Variants in PLAGL1 observed in about 807,000 individuals in gnomAD.
PLAGL1 encodes zinc finger protein PLAGL1.
In PLAGL1, 1 loss-of-function variant was observed where a neutral mutation model predicts 4.6. The ratio of observed to expected loss-of-function variants is 0.22; its 90% CI spans 0.08 to 1.03. PLAGL1 has a LOEUF of 1.03. Among genes scored for constraint, PLAGL1 ranks in the 50% least tolerant of loss-of-function variants. The pLI, the probability that PLAGL1 is intolerant of heterozygous loss-of-function variation, is 0.58. For missense variants in PLAGL1, 464 were observed against 570.4 expected, an observed-to-expected ratio of 0.81 and a Z score of 1.90; for synonymous variants, 240 against 237.8, an observed-to-expected ratio of 1.01 and a Z score of -0.08.
Position 144,039,968 on chromosome 6 carries a change from T to C in PLAGL1, c.-151+24500A>G, listed in dbSNP as rs1174198952. Among the ~76,000 whole-genome samples the C allele has an allele frequency of 6.6e-6, 1 of 152,174 alleles. No individual in the cohort carries two copies. Among genetic ancestry groups the C allele is most frequent in the African/African-American group, 2.4e-5 (1 of 41,440 alleles). ...GTTCAAAAGGCAAGCCTCCAGATAA[T>C]TTATATCATATAATTCCATGTACAA... On this transcript the variant is annotated intron_variant, in intron 1 of 3. Transcript: ENST00000437412. This position sits in a 1 kb window ranked among gnomAD's most constrained non-coding sequence, Gnocchi z 4.1.
intron 1 of PLAGL1, among the ~76,000 whole-genome samples, chr6:144,030,331 A>G (rs181457217): frequency 6.6e-6 from 1 of 151,562 alleles, no homozygotes; most frequent in East Asian, 1.9e-4. Context: ...ATAATGGAAT[A>G]AGGTACAGCT....
In PLAGL1 at chr6:144,061,083, A is replaced by G. The variant is rs1308544316; in HGVS notation, c.-151+3385T>C. On this transcript the variant is annotated intron_variant, in intron 1 of 3. Transcript: ENST00000437412. This position sits in a 1 kb window ranked among gnomAD's most constrained non-coding sequence, Gnocchi z 4.4. ...AATGTAATTTTCAAAGAAATTTACAATTGGAAGTGGAAAGGTACTGGGTGA... is the reference window on the plus strand; with the variant it reads ...AATGTAATTTTCAAAGAAATTTACAGTTGGAAGTGGAAAGGTACTGGGTGA... Among the ~76,000 whole-genome samples the G allele has an allele frequency of 2.0e-5, 3 of 152,236 alleles. No individual in the cohort carries two copies. The highest frequency in any genetic ancestry group is 6.5e-5 in the Admixed American group (1 of 15,278).
At chr6:143,977,450 A>ATTT (rs1786893139) in intron 2 of PLAGL1, among the ~76,000 whole-genome samples, 3 of 81,356 alleles carry the variant, frequency 3.7e-5, no homozygotes, top group East Asian at 6.9e-4. Context: ...TTTTTTTTTT[A>ATTT]TTTTTTTCTT....
intron 1 of PLAGL1, among the ~76,000 whole-genome samples, chr6:144,040,265 A>G (rs2128716099): frequency 6.6e-6 from 1 of 152,300 alleles, no homozygotes; most frequent in South Asian, 2.1e-4. Context: ...ACGGTGGCTC[A>G]CACCTGTAAT....
At position 144,030,394 on chromosome 6, in the gene PLAGL1, T is replaced by G. The variant is rs553632427; in HGVS notation, c.-151+34074A>C. Among the ~76,000 whole-genome samples the G allele has an allele frequency of 7.9e-5, 12 of 152,200 alleles. No homozygotes were observed. In the East Asian group the frequency reaches 2.3e-3, roughly 29 times the overall value. ...TTTTGGGGAGCAGGTGGTGTTTGGT[T>G]GCATGAATAAATTCTTTAGTGGTGA... On this transcript the variant is annotated intron_variant, in intron 1 of 3. Transcript: ENST00000437412.
rs1447660351 is a variant in PLAGL1 at position 144,015,175 on chromosome 6, A to AT, written c.-150-46198dup. On this transcript the variant is annotated intron_variant, in intron 1 of 3. Transcript: ENST00000437412. The surrounding 1 kb of genome is among the most constrained non-coding windows in gnomAD (Gnocchi z 4.3). ...ATACTCTGGCTTTCAAAGACTTGGG[A>AT]TTTTTTAAAAATGTAAAATATCCTA... 6.6e-6 allele frequency among the ~76,000 whole-genome samples: 1 copy of AT among 152,170 alleles called. No homozygotes were observed. The highest frequency in any genetic ancestry group is 1.5e-5 in the Non-Finnish European group (1 of 68,024).
chr6:144,018,107 T>G (rs1217008846), intron 1 of PLAGL1, among the ~76,000 whole-genome samples: 1 of 152,060 alleles, frequency 6.6e-6, no homozygotes, highest in African/African-American at 2.4e-5. Context: ...AGAGTAATAA[T>G]GAATACATGA....
intron 1 of PLAGL1, among the ~76,000 whole-genome samples, chr6:144,029,839 T>C (rs928355189): frequency 1.3e-5 from 2 of 152,364 alleles, no homozygotes; most frequent in Admixed American, 6.5e-5. Context: ...GTGCACTGTT[T>C]GATCTCACAT....
At position 144,025,807 on chromosome 6, in the gene PLAGL1, C is replaced by T. The variant is rs188878679; in HGVS notation, c.-151+38661G>A. 1.8e-4 allele frequency among the ~76,000 whole-genome samples: 28 copies of T among 152,134 alleles called. 1 individual carries two copies. Among genetic ancestry groups the T allele is most frequent in the Admixed American group, 1.8e-3 (27 of 15,268 alleles). On this transcript the variant is annotated intron_variant, in intron 1 of 3. Transcript: ENST00000437412. ...ACTCAGGAGGCTGAGGCAGGAGAAT[C>T]GCTTGAACCCGGGAGGTGGAGGTTG...
Position 143,948,020 on chromosome 6 carries a change from A to C in PLAGL1, c.117T>G (p.Cys39Trp), listed in dbSNP as rs1231078313. ...TATATCTGGAAACAAAGGCTTTGCC[A>C]CAGTCAGGCTGCACACACTTGTACG... is the stretch of plus-strand genomic sequence containing the variant. ...ERPYKCVQPDCGKAFVSRYKL... is the reference protein window; with the variant it reads ...ERPYKCVQPDWGKAFVSRYKL... The change falls in exon 7 of 8, where the codon TGT becomes TGG. Residue 39 changes from cysteine to tryptophan, a missense_variant. Around this residue, in one of 4 missense-constraint regions of PLAGL1, gnomAD observed 161 missense variants for 196.7 expected, o/e 0.82. Transcript: ENST00000674357. The surrounding 1 kb of genome is among the most constrained non-coding windows in gnomAD (Gnocchi z 6.0). 6.2e-7 allele frequency: 1 copy of C among 1,614,148 alleles called. No homozygotes were observed. Among genetic ancestry groups the C allele is most frequent in the Non-Finnish European group, 8.5e-7 (1 of 1,179,966 alleles).
At chr6:144,042,411 C>T (rs1314692102) in intron 1 of PLAGL1, among the ~76,000 whole-genome samples, 2 of 152,172 alleles carry the variant, frequency 1.3e-5, no homozygotes, top group African/African-American at 4.8e-5. Flanking sequence ...GTTTTCCCAG[C>T]ACCATTTATT....
Position 143,985,982 on chromosome 6 carries a change from T to TATATATATATATATATATATA in PLAGL1, c.-583-809_-583-808insTATATATATATATATATATAT, listed in dbSNP as rs1554263920. 6.3e-5 allele frequency among the ~76,000 whole-genome samples: 7 copies of TATATATATATATATATATATA among 111,580 alleles called. 1 individual carries two copies. The highest frequency in any genetic ancestry group is 1.3e-4 in the Non-Finnish European group (7 of 55,348). The allele number at this position is 111,580 out of a possible 152,430, so 73.2% of individuals were successfully genotyped here. A position where few individuals can be genotyped will look rare whatever the true frequency, so the allele number is the denominator to read the frequency against. ...TATATCAAATTATATATATATAAAATTATATATATATATATATATATATAT... is the reference window on the plus strand; with the variant it reads ...TATATCAAATTATATATATATAAAATATATATATATATATATATATATATATATATATATATATATATATAT... On this transcript the variant is annotated intron_variant, in intron 1 of 7. Coordinates refer to ENST00000674357, the MANE Select transcript of PLAGL1 (RefSeq NM_001317162.2). The surrounding 1 kb of genome is among the most constrained non-coding windows in gnomAD (Gnocchi z 4.4).
chr6:143,941,313 A>C lies in PLAGL1; in HGVS notation c.*111T>G. The stretch of plus-strand genomic sequence containing the variant: ...ATCATCTCAAGCCAGTCATCACTGA[A>C]TAAGCCATAGTCCCAGTCTCGTTTT... On this transcript the variant is annotated 3_prime_UTR_variant, in exon 8 of 8. Transcript: ENST00000674357. The surrounding 1 kb of genome is among the most constrained non-coding windows in gnomAD (Gnocchi z 6.0). The C allele has an allele frequency of 1.3e-6, 1 of 768,966 alleles. No homozygotes were observed. The highest frequency in any genetic ancestry group is 2.3e-5 in the South Asian group (1 of 43,566). The allele number at this position is 768,966 out of a possible 1,614,324, so 47.6% of individuals were successfully genotyped here.
chr6:143,950,629 A>AAAT lies in PLAGL1; in HGVS notation c.-324-2172_-324-2170dup, dbSNP rs1423483276. Among the ~76,000 whole-genome samples the AAAT allele has an allele frequency of 3.9e-5, 6 of 152,212 alleles. No homozygotes were observed. The highest frequency in any genetic ancestry group is 1.4e-4 in the African/African-American group (6 of 41,448). On this transcript the variant is annotated intron_variant, in intron 6 of 7. Coordinates refer to ENST00000674357, the MANE Select transcript of PLAGL1 (RefSeq NM_001317162.2). The surrounding 1 kb of genome is among the most constrained non-coding windows in gnomAD (Gnocchi z 6.3). The stretch of plus-strand genomic sequence containing the variant: ...CTCATTCCCTTTATAGCTGAACTCA[A>AAAT]AATAGCACTCGTCCCACTCGCCCCT...
rs146550205 is a variant in PLAGL1 at position 143,944,221 on chromosome 6, C to G, written c.153-1558G>C. On this transcript the variant is annotated intron_variant, in intron 7 of 7. Transcript: ENST00000674357. ...TCTCTTTAAGACAGTATGTTTAAGT[C>G]AAAAGTATACTTAATTACACCTTTC... Among the ~76,000 whole-genome samples, 310 of 152,182 alleles carry G rather than the reference C, an allele frequency of 2.0e-3. 1 individual carries two copies. The highest frequency in any genetic ancestry group is 7.3e-3 in the African/African-American group (302 of 41,522).
At chr6:144,041,509 A>T (rs1182905888) in intron 1 of PLAGL1, among the ~76,000 whole-genome samples, 2 of 152,206 alleles carry the variant, frequency 1.3e-5, no homozygotes, top group African/African-American at 4.8e-5. Flanking sequence ...AAAGGACATG[A>T]ACTCATCCTT....
At chr6:144,031,764 A>G (rs1583796757) in intron 1 of PLAGL1, among the ~76,000 whole-genome samples, 1 of 152,132 alleles carries the variant, frequency 6.6e-6, no homozygotes, top group Non-Finnish European at 1.5e-5. Flanking sequence ...CTTAGAGTAC[A>G]GTTTGACGTT....
intron 6 of PLAGL1, among the ~76,000 whole-genome samples, chr6:143,956,978 G>T (rs1782282640): frequency 1.3e-5 from 2 of 152,224 alleles, no homozygotes; most frequent in Non-Finnish European, 2.9e-5. Context: ...GCAAGGGGCT[G>T]GGACAGCCAG....
rs982325838 is a variant in PLAGL1, at chr6:143,970,349, C to T, written c.-543-1371G>A. ...TGTTGCAAAGTAAACATTTAAACTA[C>T]TGAAAATATACTAAGTATTTTAACA... is the stretch of plus-strand genomic sequence containing the variant. On this transcript the variant is annotated intron_variant, in intron 2 of 7. Transcript: ENST00000674357. The surrounding 1 kb of genome is among the most constrained non-coding windows in gnomAD (Gnocchi z 5.8). Among the ~76,000 whole-genome samples, 1 of 152,158 alleles carries T rather than the reference C, an allele frequency of 6.6e-6. No homozygotes were observed. The highest frequency in any genetic ancestry group is 2.4e-5 in the African/African-American group (1 of 41,444).
Sources: gnomAD v4.1 joint callset for allele counts (sites outside exome capture counted in the v4.1 genomes callset) on GRCh38, gnomAD v4.1.1 for gene constraint, gnomAD v4.1.1 regional missense constraint, Gnocchi (gnomAD v3.1) non-coding constraint, MANE v1.5 for transcripts, NCBI Gene and HGNC (gene_info 2026-07-23, HGNC 2026-07-21) for gene names.